The following CNTN5 variants were observed in gnomAD, a reference collection of about 807,000 sequenced individuals.
CNTN5 encodes the protein contactin 5, also known as contactin-5.
CNTN5 carries 77 observed loss-of-function variants against 129.1 expected under a neutral mutation model. The observed-to-expected ratio is 0.60, with a 90% confidence interval of 0.50 to 0.72. CNTN5 has a LOEUF of 0.72. Ranked by LOEUF, CNTN5 falls within the 30% of genes least tolerant of loss-of-function variation. The probability of loss-of-function intolerance (pLI) is 0.00; values close to 1 mark genes in which losing one functional copy is unlikely to be tolerated. For synonymous variants in CNTN5, 509 were observed against 465.6 expected (o/e 1.09, Z -1.20); for missense variants, 1,478 against 1,328.8 (o/e 1.11, Z -1.75).
At chr11:99,797,989 C>A (rs956408338) in intron 3 of CNTN5, among the ~76,000 whole-genome samples, 1 of 151,830 alleles carries the variant, frequency 6.6e-6, no homozygotes, top group African/African-American at 2.4e-5. Flanking sequence ...TCAAGGATAC[C>A]TGTGCATGTT....
intron 2 of CNTN5, among the ~76,000 whole-genome samples, chr11:99,442,464 C>T (rs1943874405): frequency 6.6e-6 from 1 of 152,156 alleles, no homozygotes; most frequent in Non-Finnish European, 1.5e-5. Flanking sequence ...GGCACTGCAC[C>T]TGGCTTTGAG....
intron 1 of CNTN5, among the ~76,000 whole-genome samples, chr11:99,285,553 A>G (rs1054685880): frequency 1.3e-5 from 2 of 151,976 alleles, no homozygotes; most frequent in Admixed American, 6.6e-5. Context: ...AGATTTAAAT[A>G]AGCAGAGGAT....
chr11:99,775,305 A>G (rs1380957746), intron 3 of CNTN5, among the ~76,000 whole-genome samples: 1 of 151,848 alleles, frequency 6.6e-6, no homozygotes, highest in Admixed American at 6.6e-5. Context: ...TTCCTTAACA[A>G]TGAAAAATAA....
At chr11:99,973,448 TTTG>T (rs1406516163) in intron 8 of CNTN5, among the ~76,000 whole-genome samples, 1 of 152,166 alleles carries the variant, frequency 6.6e-6, no homozygotes. Flanking sequence ...CAGTCTTTCT[TTTG>T]TTAATAAGAG....
At chr11:100,255,728 G>A (rs966063359) in intron 16 of CNTN5, 32 bp from the exon 17 acceptor site, 2 of 1,595,896 alleles carry the variant, frequency 1.3e-6, no homozygotes, top group Non-Finnish European at 1.7e-6. Context: ...AATAATTTGT[G>A]CTTAACTTTA....
intron 3 of CNTN5, among the ~76,000 whole-genome samples, chr11:99,795,855 G>T (rs559151339): frequency 1.3e-5 from 2 of 152,196 alleles, no homozygotes; most frequent in South Asian, 4.2e-4. Context: ...TTAGGAACTT[G>T]CAGTTCTAAG....
At chr11:99,580,699 C>T (rs1001722525) in intron 3 of CNTN5, among the ~76,000 whole-genome samples, 2 of 151,666 alleles carry the variant, frequency 1.3e-5, no homozygotes, top group Non-Finnish European at 2.9e-5. Flanking sequence ...TTTTTTATTG[C>T]ATCTATTTGA....
chr11:99,685,569 C>G (rs1027273183), intron 3 of CNTN5, among the ~76,000 whole-genome samples: 7 of 151,542 alleles, frequency 4.6e-5, no homozygotes, highest in Non-Finnish European at 1.0e-4. Flanking sequence ...ATTTTATCTT[C>G]TTGTTTAACA....
chr11:99,786,080 T>C (rs1735139330), intron 3 of CNTN5, among the ~76,000 whole-genome samples: 1 of 152,108 alleles, frequency 6.6e-6, no homozygotes, highest in South Asian at 2.1e-4. Context: ...TGTTTGCAGA[T>C]CACATGATTG....
chr11:99,792,919 G>A (rs1945802369), intron 3 of CNTN5, among the ~76,000 whole-genome samples: 1 of 152,102 alleles, frequency 6.6e-6, no homozygotes, highest in Admixed American at 6.6e-5. Flanking sequence ...GCATGCAGGT[G>A]TTCATAGTAG....
At chr11:99,166,933 T>G (rs980615803) in intron 1 of CNTN5, among the ~76,000 whole-genome samples, 1 of 152,150 alleles carries the variant, frequency 6.6e-6, no homozygotes. Flanking sequence ...ATAATGTTAT[T>G]TAAAACATTA....
chr11:99,515,784 G>C (rs1947024962), intron 2 of CNTN5, among the ~76,000 whole-genome samples: 1 of 151,824 alleles, frequency 6.6e-6, no homozygotes. Flanking sequence ...GAGATTTATA[G>C]ATGAAATAGG....
In CNTN5 at chr11:99,449,247, T is replaced by C. The variant is rs115516957; in HGVS notation, c.-70-106898T>C. 4.1e-3 allele frequency among the ~76,000 whole-genome samples: 628 copies of C among 152,336 alleles called. 4 individuals carry two copies. Among genetic ancestry groups the C allele is most frequent in the African/African-American group, 0.015 (607 of 41,582 alleles). ...AGTATGTTGAACATGTGTGAATTTT[T>C]CTAACTTCACAGAAAGTTCATGGAT... On this transcript the variant is annotated intron_variant, in intron 2 of 24. Transcript: ENST00000524871.
At chr11:100,335,149 C>T (rs1305753431) in intron 21 of CNTN5, among the ~76,000 whole-genome samples, 2 of 138,448 alleles carry the variant, frequency 1.4e-5, no homozygotes, top group Non-Finnish European at 3.1e-5. Flanking sequence ...TTTGCTGTGA[C>T]TCTAAAATGG....
chr11:99,862,206 C>T (rs1281859913), intron 6 of CNTN5, among the ~76,000 whole-genome samples: 1 of 152,110 alleles, frequency 6.6e-6, no homozygotes, highest in African/African-American at 2.4e-5. Flanking sequence ...TTTCATGTTG[C>T]TAAATACATT....
At chr11:99,598,361 TCTCTCTCTCTCTCC>T (rs1370764390) in intron 3 of CNTN5, among the ~76,000 whole-genome samples, 1,993 of 25,652 alleles carry the variant, frequency 0.078, 394 homozygotes, top group African/African-American at 0.14. Flanking sequence ...TCTCTCTCTC[TCTCTCTCTCTCTCC>T]CTCTCTCTCT....
At chr11:99,588,581 G>C (rs529387177) in intron 3 of CNTN5, among the ~76,000 whole-genome samples, 1 of 152,244 alleles carries the variant, frequency 6.6e-6, no homozygotes, top group African/African-American at 2.4e-5. Context: ...CGTGGTGGAG[G>C]TAGGAGAATT....
At chr11:99,158,104 T>A (rs1284227833) in intron 1 of CNTN5, among the ~76,000 whole-genome samples, 1 of 152,054 alleles carries the variant, frequency 6.6e-6, no homozygotes, top group Non-Finnish European at 1.5e-5. Flanking sequence ...TTAAAGAAAA[T>A]TAATTTGTGG....
chr11:99,358,271 T>TTTTTTTTTTTTTTTTTG (rs1565518506), intron 2 of CNTN5, among the ~76,000 whole-genome samples: 1 of 129,440 alleles, frequency 7.7e-6, no homozygotes, highest in Non-Finnish European at 1.7e-5. Flanking sequence ...TTTTTTTTTT[T>TTTTTTTTTTTTTTTTTG]TTTTAGTAGA....
Sources: allele counts gnomAD v4.1 joint callset (sites outside exome capture counted in the v4.1 genomes callset), GRCh38; gene constraint gnomAD v4.1.1; transcripts MANE v1.5; gene names NCBI Gene and HGNC (gene_info 2026-07-23, HGNC 2026-07-21).